The following TRAPPC9 variants were observed in gnomAD, a reference collection of about 807,000 sequenced individuals.
The protein encoded by TRAPPC9 is IKK2 binding protein.
TRAPPC9 carries 83 observed loss-of-function variants against 124.0 expected under a neutral mutation model. The observed-to-expected ratio is 0.67, with a 90% CI of 0.56 to 0.80. The LOEUF (loss-of-function observed/expected upper bound fraction) is 0.80, where lower values mean the gene tolerates loss of function less well. Ranked by LOEUF, TRAPPC9 falls within the 30% of genes least tolerant of loss-of-function variation. TRAPPC9 has a pLI of 0.00. For missense variants in TRAPPC9, 1,302 were observed against 1,508.3 expected (o/e 0.86, Z 2.27); for synonymous variants, 638 against 617.5 (o/e 1.03, Z -0.49).
At chr8:140,107,319 G>A (rs556685101) in intron 17 of TRAPPC9, among the ~76,000 whole-genome samples, 5 of 152,088 alleles carry the variant, frequency 3.3e-5, no homozygotes, top group Non-Finnish European at 5.9e-5. Flanking sequence ...GGCTTTTTAC[G>A]GTCATTCCTT....
At chr8:140,244,954 C>A (rs982155021) in intron 16 of TRAPPC9, among the ~76,000 whole-genome samples, 1 of 151,590 alleles carries the variant, frequency 6.6e-6, no homozygotes, top group Non-Finnish European at 1.5e-5. Flanking sequence ...TTAAGGTGCA[C>A]GCCACCACAC....
At chr8:139,900,842 C>T (rs1289968163) in intron 20 of TRAPPC9, among the ~76,000 whole-genome samples, 1 of 152,082 alleles carries the variant, frequency 6.6e-6, no homozygotes, top group Non-Finnish European at 1.5e-5. Context: ...TCTACCATGA[C>T]CCGGTTTGGC....
At chr8:140,377,300 T>C (rs1446946196) in intron 7 of TRAPPC9, among the ~76,000 whole-genome samples, 3 of 152,164 alleles carry the variant, frequency 2.0e-5, no homozygotes, top group South Asian at 2.1e-4. Context: ...TTCTTTTTTT[T>C]TTCTTCTCTT....
At chr8:139,829,894 G>A (rs1032312940) in intron 21 of TRAPPC9, among the ~76,000 whole-genome samples, 6 of 152,168 alleles carry the variant, frequency 3.9e-5, no homozygotes, top group Non-Finnish European at 8.8e-5. Flanking sequence ...GAGTGACAGC[G>A]CTGGGGCTGG....
At chr8:139,940,239 T>A (rs1051280775) in intron 19 of TRAPPC9, among the ~76,000 whole-genome samples, 2 of 152,324 alleles carry the variant, frequency 1.3e-5, no homozygotes, top group Admixed American at 6.5e-5. Flanking sequence ...GTTCTGGCAG[T>A]CAAGTTTTTC....
At chr8:139,932,517 C>T (rs1833235445) in intron 19 of TRAPPC9, 1 of 456,192 alleles carries the variant, frequency 2.2e-6, no homozygotes. Context: ...AATCCCAGCA[C>T]TTTGGAAGGC....
chr8:140,112,365 G>A (rs113726028), intron 17 of TRAPPC9, among the ~76,000 whole-genome samples: 1 of 146,820 alleles, frequency 6.8e-6, no homozygotes, highest in South Asian at 2.2e-4. Flanking sequence ...GAGAGGAATG[G>A]AGAATTCCAG....
At chr8:140,389,388 C>T (rs1244606062) in intron 7 of TRAPPC9, among the ~76,000 whole-genome samples, 2 of 152,124 alleles carry the variant, frequency 1.3e-5, no homozygotes, top group African/African-American at 4.8e-5. Context: ...AAAGCAATCC[C>T]TCATAGGGGG....
chr8:140,275,801 G>C lies in TRAPPC9; in HGVS notation c.2135C>G (p.Pro712Arg). ...AGTAGATATTTCATCACCAGAAGAAGGTTGCAATGAATGTGCAGATCTAAA... is the reference window on the plus strand; with the variant it reads ...AGTAGATATTTCATCACCAGAAGAACGTTGCAATGAATGTGCAGATCTAAA... ...SLPRSAHSLQ[P>R]SSGDEISTNV... Residue 712 changes from proline to arginine, a missense_variant, in exon 15 of 23, where the codon CCT becomes CGT. Pro to Arg is a moderately radical substitution (Grantham distance 103). Transcript: ENST00000438773. 6.2e-7 allele frequency: 1 copy of C among 1,613,350 alleles called. No individual in the cohort carries two copies. The highest frequency in any genetic ancestry group is 8.5e-7 in the Non-Finnish European group (1 of 1,179,314).
chr8:140,300,592 G>T lies in TRAPPC9; in HGVS notation c.1645C>A (p.Pro549Thr). 3.1e-6 allele frequency: 5 copies of T among 1,614,230 alleles called. No individual in the cohort carries two copies. Among genetic ancestry groups the T allele is most frequent in the Non-Finnish European group, 4.2e-6 (5 of 1,180,042 alleles). ...ATTTTGTGTGGCCGGAGGCTAGCAG[G>T]AAGGTTCAATAGTTTCACATGCCTG... ...IVRHVKLLNL[P>T]ASLRPHKMKS... is the part of the protein sequence containing the mutation. The change falls in exon 11 of 23, where the codon CCT (proline) becomes ACT (threonine). Residue 549 changes from proline to threonine, a missense_variant. Around this residue, in one of 3 missense-constraint regions of TRAPPC9, gnomAD observed 657 missense variants for 811.2 expected, o/e 0.81. Transcript: ENST00000438773.
At chr8:139,814,024 C>T (rs900374462) in intron 21 of TRAPPC9, among the ~76,000 whole-genome samples, 3 of 152,178 alleles carry the variant, frequency 2.0e-5, no homozygotes, top group Non-Finnish European at 2.9e-5. Flanking sequence ...CAGCTCAGTC[C>T]AGCTGACTCA....
At chr8:139,910,034 C>T in intron 20 of TRAPPC9, 113 bp downstream of exon 20, 1 of 1,270,656 alleles carries the variant, frequency 7.9e-7, no homozygotes, top group Non-Finnish European at 1.1e-6. Context: ...CACAGCATTT[C>T]TGAGCTACCT....
intron 15 of TRAPPC9, 107 bp from the exon 16 acceptor site, chr8:140,253,036 A>G (rs1286458995): frequency 1.3e-5 from 15 of 1,136,772 alleles, no homozygotes; most frequent in Non-Finnish European, 1.9e-5. Context: ...AAGGAAAAAG[A>G]AGAGCTTTTA....
chr8:139,746,652 G>C (rs1818914542), intron 21 of TRAPPC9, among the ~76,000 whole-genome samples: 1 of 152,230 alleles, frequency 6.6e-6, no homozygotes, highest in Admixed American at 6.5e-5. Context: ...AACACCATGA[G>C]ATATAAACAT....
chr8:140,115,596 T>A (rs1181848704), intron 17 of TRAPPC9, among the ~76,000 whole-genome samples: 3 of 148,856 alleles, frequency 2.0e-5, no homozygotes, highest in African/African-American at 7.4e-5. Flanking sequence ...GTTGTATTAT[T>A]TTTTTTTCTC....
intron 16 of TRAPPC9, among the ~76,000 whole-genome samples, chr8:140,242,161 A>T (rs2063873798): frequency 7.5e-6 from 1 of 133,606 alleles, no homozygotes; most frequent in African/African-American, 3.4e-5. Context: ...AGAGAGAGAG[A>T]GAGGGAGACT....
chr8:139,874,432 C>T (rs1220642125), intron 21 of TRAPPC9, among the ~76,000 whole-genome samples: 1 of 152,188 alleles, frequency 6.6e-6, no homozygotes, highest in African/African-American at 2.4e-5. Context: ...GACAGTACAA[C>T]CTTAAGGAGA....
At chr8:140,312,641 G>A (rs1225516084) in intron 9 of TRAPPC9, among the ~76,000 whole-genome samples, 2 of 152,104 alleles carry the variant, frequency 1.3e-5, no homozygotes, top group Non-Finnish European at 2.9e-5. Context: ...ACTGAGGCTG[G>A]TGACCATAAA....
intron 17 of TRAPPC9, among the ~76,000 whole-genome samples, chr8:140,196,825 C>A (rs1341584453): frequency 6.6e-6 from 1 of 152,092 alleles, no homozygotes; most frequent in Non-Finnish European, 1.5e-5. Context: ...CTGTACAGAT[C>A]GCACCTGTGA....
Sources: gnomAD v4.1 joint callset for allele counts (sites outside exome capture counted in the v4.1 genomes callset) on GRCh38, gnomAD v4.1.1 for gene constraint, gnomAD v4.1.1 regional missense constraint, MANE v1.5 for transcripts, NCBI Gene and HGNC (gene_info 2026-07-23, HGNC 2026-07-21) for gene names.